The following AFAP1L1 variants were observed in gnomAD, a reference collection of about 807,000 sequenced individuals.
The protein encoded by AFAP1L1 is actin filament associated protein 1 like 1.
Under a neutral mutation model 99.8 loss-of-function variants are expected in AFAP1L1, and 77 were observed. That is an observed-to-expected ratio of 0.77 (90% CI 0.64 to 0.93). The LOEUF is 0.93. Ranked by LOEUF, AFAP1L1 falls within the 40% of genes least tolerant of loss-of-function variation. The pLI is 0.00. For synonymous variants in AFAP1L1, 373 were observed against 395.3 expected, an observed-to-expected ratio of 0.94 and a Z score of 0.67; for missense variants, 893 against 996.8, an observed-to-expected ratio of 0.90 and a Z score of 1.40.
intron 15 of AFAP1L1, among the ~76,000 whole-genome samples, chr5:149,328,728 C>T (rs756899681): frequency 1.3e-5 from 2 of 152,080 alleles, no homozygotes; most frequent in Admixed American, 6.6e-5. Context: ...GCAGGAGAAT[C>T]GCTTGAACCC....
chr5:149,287,202 A>G (rs181562769), intron 1 of AFAP1L1, among the ~76,000 whole-genome samples: 2 of 152,070 alleles, frequency 1.3e-5, no homozygotes, highest in Admixed American at 1.3e-4. Context: ...AAAAAGTCAC[A>G]AAAGAGTACC....
intron 6 of AFAP1L1, among the ~76,000 whole-genome samples, chr5:149,306,989 G>GT (rs763211424): frequency 6.6e-6 from 1 of 152,058 alleles, no homozygotes; most frequent in Non-Finnish European, 1.5e-5. Context: ...GCTCACACCT[G>GT]TAATCCCAGC....
chr5:149,312,180 C>T lies in AFAP1L1; in HGVS notation c.996C>T (p.Leu332=), dbSNP rs1410226722. Residue 332 remains leucine, a synonymous_variant, in exon 9 of 19, where the codon CTC becomes CTT. Transcript: ENST00000296721. ...TGGAGGTCCCCAGATCCCCAGTCCT[C>T]CTGTGCAAGTTGGACCTGGACAAGG... ...EGVEVPRSPV[L]LCKLDLDKRL... 2 of 1,614,192 alleles carry T rather than the reference C, an allele frequency of 1.2e-6. No homozygotes were observed. The highest frequency in any genetic ancestry group is 2.2e-5 in the East Asian group (1 of 44,878).
Position 149,341,669 on chromosome 5 carries a change from A to G in AFAP1L1, c.*1639A>G, listed in dbSNP as rs1757563779. On this transcript the variant is annotated 3_prime_UTR_variant, in exon 19 of 19. Coordinates refer to ENST00000296721, the MANE Select transcript of AFAP1L1 (RefSeq NM_152406.4). ...CTACTCAGGAGGCTGAGGCAGGAGG[A>G]CCGCTTGAGCCCAGGAGTTTGAGAC... 1 of 152,206 alleles carries G rather than the reference A, an allele frequency of 6.6e-6. No individual in the cohort carries two copies. The highest frequency in any genetic ancestry group is 1.5e-5 in the Non-Finnish European group (1 of 68,096). The allele number at this position is 152,206 out of a possible 1,614,324, so 9.4% of individuals were successfully genotyped here.
At chr5:149,310,514 C>T (rs1167478165) in intron 8 of AFAP1L1, among the ~76,000 whole-genome samples, 2 of 152,162 alleles carry the variant, frequency 1.3e-5, no homozygotes, top group East Asian at 1.9e-4. Context: ...TGCCTTGAAA[C>T]GTACATCCTT....
chr5:149,278,395 A>G (rs1242279995), intron 1 of AFAP1L1, among the ~76,000 whole-genome samples: 2 of 151,686 alleles, frequency 1.3e-5, no homozygotes. Flanking sequence ...CTAGCCTTTC[A>G]CCTCCATCAA....
intron 4 of AFAP1L1, among the ~76,000 whole-genome samples, 183 bp from the exon 5 acceptor site, chr5:149,302,235 A>G (rs201512845): frequency 6.7e-6 from 1 of 148,150 alleles, no homozygotes; most frequent in Non-Finnish European, 1.5e-5. Flanking sequence ...ATTAAAAAAA[A>G]TTGGGGTAAG....
rs760448524 is a variant in AFAP1L1 at position 149,306,349 on chromosome 5, G to C, written c.480G>C (p.Glu160Asp). 1.2e-6 allele frequency: 2 copies of C among 1,613,670 alleles called. No individual in the cohort carries two copies. The highest frequency in any genetic ancestry group is 2.2e-5 in the South Asian group (2 of 90,908). ...PSHSIVDGYY[E>D]DADSSYPATR... is the part of the protein sequence containing the mutation. ...ACTCGATTGTGGATGGCTACTATGA[G>C]GACGCAGACAGCAGCTACCCTGCAA... The change falls in exon 6 of 19, where the codon GAG becomes GAC. Residue 160 changes from glutamate to aspartate, a missense_variant. Transcript: ENST00000296721.
chr5:149,338,095 T>C (rs1398730471), intron 18 of AFAP1L1, among the ~76,000 whole-genome samples: 2 of 152,216 alleles, frequency 1.3e-5, no homozygotes, highest in Non-Finnish European at 2.9e-5. Flanking sequence ...CAGCTGTTTA[T>C]TAGCTTCATA....
At chr5:149,304,292 G>T (rs1756326328) in intron 5 of AFAP1L1, 1 of 152,216 alleles carries the variant, frequency 6.6e-6, no homozygotes, top group South Asian at 2.1e-4. Context: ...TGGGCTGATT[G>T]CACCTTTTGG....
chr5:149,273,018 A>T (rs560304683), intron 1 of AFAP1L1, among the ~76,000 whole-genome samples: 1 of 151,972 alleles, frequency 6.6e-6, no homozygotes, highest in South Asian at 2.1e-4. Flanking sequence ...CATTTTAAGT[A>T]AAGGTCTAGA....
chr5:149,315,841 G>T lies in AFAP1L1; in HGVS notation c.1041G>T (p.Gln347His), dbSNP rs140948067. Residue 347 changes from glutamine (Q) to histidine (H), a missense_variant, in exon 10 of 19, where the codon CAG becomes CAT. By Grantham distance (24) the Gln-to-His change is conservative (BLOSUM62 0). Coordinates refer to ENST00000296721, the MANE Select transcript of AFAP1L1 (RefSeq NM_152406.4). ...DLDKRLSQEKQTSDSDSVGVG... is the reference protein window; with the variant it reads ...DLDKRLSQEKHTSDSDSVGVG... ...CTCAGAGGCTGTCCCAAGAGAAGCA[G>T]ACCTCAGATTCTGACAGCGTGGGTG... 1.8e-4 allele frequency: 285 copies of T among 1,614,134 alleles called. No homozygotes were observed. In the African/African-American group the frequency reaches 3.3e-3, roughly 19 times the overall value.
intron 1 of AFAP1L1, among the ~76,000 whole-genome samples, chr5:149,280,595 T>TC (rs1169246583): frequency 1.3e-5 from 2 of 152,204 alleles, no homozygotes; most frequent in African/African-American, 4.8e-5. Context: ...TGCTTCTAGT[T>TC]CTGTCTTTCA....
chr5:149,312,804 A>AAGAG (rs1336702206), intron 9 of AFAP1L1, among the ~76,000 whole-genome samples: 1 of 150,876 alleles, frequency 6.6e-6, no homozygotes, highest in South Asian at 2.1e-4. Context: ...AAAGAAAGAA[A>AAGAG]AGAGAGAGAG....
At chr5:149,286,156 T>A (rs963033120) in intron 1 of AFAP1L1, among the ~76,000 whole-genome samples, 6 of 152,178 alleles carry the variant, frequency 3.9e-5, no homozygotes, top group Non-Finnish European at 5.9e-5. Flanking sequence ...AGATTTTAGA[T>A]AATAATCATA....
At chr5:149,300,456 CATT>C in intron 3 of AFAP1L1, 102 bp downstream of exon 3, 1 of 1,010,030 alleles carries the variant, frequency 9.9e-7, no homozygotes, top group Admixed American at 2.2e-5. Flanking sequence ...AACATCGCAT[CATT>C]AAGTCGCTTT....
In AFAP1L1 at chr5:149,309,847, G is replaced by A. The variant is rs549445400; in HGVS notation, c.748-109G>A. 3.4e-4 allele frequency: 469 copies of A among 1,369,924 alleles called. 3 individuals are homozygous for A. The South Asian group carries it at 3.7e-3, about 11-fold the overall frequency. The allele number at this position is 1,369,924 out of a possible 1,614,324, so 84.9% of individuals were successfully genotyped here. The stretch of plus-strand genomic sequence containing the variant: ...CAGTGCCCATGGCTAGGCTGGGTGG[G>A]GGAGGTCTCTAAAGGGAGGTCGGGC... On this transcript the variant is annotated intron_variant, in intron 7 of 18. Coordinates refer to ENST00000296721, the MANE Select transcript of AFAP1L1 (RefSeq NM_152406.4).
intron 16 of AFAP1L1, among the ~76,000 whole-genome samples, chr5:149,331,291 A>C (rs911206387): frequency 6.0e-5 from 9 of 151,146 alleles, no homozygotes; most frequent in Admixed American, 3.9e-4. Context: ...AAAGAAAGAA[A>C]ATTTTTTAAA....
chr5:149,307,315 T>C, intron 6 of AFAP1L1, 87 bp from the exon 7 acceptor site: 8 of 1,385,966 alleles, frequency 5.8e-6, no homozygotes, highest in Non-Finnish European at 7.1e-6. Context: ...CTAGCCTCAG[T>C]CCCCAGTGCA....
Sources: allele counts gnomAD v4.1 joint callset (sites outside exome capture counted in the v4.1 genomes callset), GRCh38; gene constraint gnomAD v4.1.1; transcripts MANE v1.5; gene names NCBI Gene and HGNC (gene_info 2026-07-23, HGNC 2026-07-21).